Variants in PPARGC1A observed in about 807,000 individuals in gnomAD.
PPARGC1A encodes PPARG coactivator 1 alpha.
PPARGC1A carries 25 observed loss-of-function variants against 88.7 expected under a neutral mutation model. The observed-to-expected ratio is 0.28, with a 90% CI of 0.21 to 0.39. The LOEUF is 0.39. PPARGC1A is among the 10% of genes least tolerant of loss of function. The pLI, the probability that PPARGC1A is intolerant of heterozygous loss-of-function variation, is 1.00. For synonymous variants in PPARGC1A, 363 were observed against 355.6 expected, an observed-to-expected ratio of 1.02 and a Z score of -0.24; for missense variants, 880 against 968.7, an observed-to-expected ratio of 0.91 and a Z score of 1.22.
chr4:24,024,003 T>G, the PPARGC1A span, among the ~76,000 whole-genome samples: 1 of 152,194 alleles, frequency 6.6e-6, no homozygotes, highest in Non-Finnish European at 1.5e-5. Flanking sequence ...CTGTCCATAC[T>G]GCAAACATGG....
chr4:23,817,526 C>T (rs954162058), intron 7 of PPARGC1A, among the ~76,000 whole-genome samples: 4 of 152,034 alleles, frequency 2.6e-5, no homozygotes, highest in African/African-American at 9.7e-5. Context: ...GTATATTTTT[C>T]TGCATATACA....
chr4:23,836,121 A>G (rs561510434), intron 2 of PPARGC1A, among the ~76,000 whole-genome samples: 1 of 152,216 alleles, frequency 6.6e-6, no homozygotes, highest in African/African-American at 2.4e-5. Context: ...TTTACAAAAA[A>G]TATATGTCTT....
chr4:24,256,925 G>A, the PPARGC1A span, among the ~76,000 whole-genome samples: 3 of 152,110 alleles, frequency 2.0e-5, no homozygotes, highest in East Asian at 1.9e-4. Context: ...TTTCCAGAGG[G>A]GTAAAGAGTT....
chr4:23,859,500 G>A (rs1206496085), intron 2 of PPARGC1A, among the ~76,000 whole-genome samples: 1 of 152,166 alleles, frequency 6.6e-6, no homozygotes, highest in African/African-American at 2.4e-5. Flanking sequence ...TATTTAAAAT[G>A]TAACACCACG....
the PPARGC1A span, among the ~76,000 whole-genome samples, chr4:24,395,776 G>A: frequency 6.6e-6 from 1 of 152,170 alleles, no homozygotes; most frequent in African/African-American, 2.4e-5. Context: ...GTTCAGGGAG[G>A]ACACAGTGGA....
At position 23,837,756 on chromosome 4, in the gene PPARGC1A, C is replaced by G. The variant is rs1295201586; in HGVS notation, c.235-6005G>C. On this transcript the variant is annotated intron_variant, in intron 2 of 12. Coordinates refer to ENST00000264867, the MANE Select transcript of PPARGC1A (RefSeq NM_013261.5). ...TTTGGATTATTGGTTCCGCTAGGCC[C>G]CACCAGGACTTCAAATAACTACATG... Among the ~76,000 whole-genome samples, 3 of 152,128 alleles carry G rather than the reference C, an allele frequency of 2.0e-5. No homozygotes were observed. The East Asian group carries it at 5.8e-4, about 29-fold the overall frequency.
the PPARGC1A span, among the ~76,000 whole-genome samples, chr4:24,149,337 T>C: frequency 6.6e-6 from 1 of 152,080 alleles, no homozygotes; most frequent in Non-Finnish European, 1.5e-5. Context: ...AAGTAAGCAG[T>C]ATTAATGAGT....
chr4:24,148,172 C>T, the PPARGC1A span, among the ~76,000 whole-genome samples: 1 of 152,182 alleles, frequency 6.6e-6, no homozygotes, highest in Non-Finnish European at 1.5e-5. Flanking sequence ...AAACACATTA[C>T]TTTAACTAGA....
upstream of PPARGC1A, chr4:23,904,097 G>A (rs1719753419): frequency 1.1e-6 from 1 of 951,712 alleles, no homozygotes; most frequent in Non-Finnish European, 1.3e-6. Context: ...CACAACAAGG[G>A]CTTCGGCAGG....
chr4:23,802,166 G>T (rs1321650793), intron 11 of PPARGC1A, 58 bp downstream of exon 11: 1 of 1,609,452 alleles, frequency 6.2e-7, no homozygotes, highest in Non-Finnish European at 8.5e-7. Flanking sequence ...TAATCTTATG[G>T]CCATAATTTT....
chr4:24,231,083 T>C, the PPARGC1A span, among the ~76,000 whole-genome samples: 1 of 151,882 alleles, frequency 6.6e-6, no homozygotes, highest in Middle Eastern at 3.4e-3. Flanking sequence ...TCGAGAATGA[T>C]CCAAACCAAA....
At chr4:24,460,867 A>G in the PPARGC1A span, among the ~76,000 whole-genome samples, 1 of 152,366 alleles carries the variant, frequency 6.6e-6, no homozygotes, top group Non-Finnish European at 1.5e-5. Context: ...ATAAATCCAA[A>G]TAAAACTTCA....
At chr4:23,813,280 T>C (rs528386343) in intron 8 of PPARGC1A, among the ~76,000 whole-genome samples, 155 bp from the exon 9 acceptor site, 2 of 152,296 alleles carry the variant, frequency 1.3e-5, no homozygotes, top group Admixed American at 1.3e-4. Flanking sequence ...TTTGTGATCA[T>C]CTAGTCAACT....
rs746625628 is a variant in PPARGC1A at position 23,813,733 on chromosome 4, A to C, written c.1750T>G (p.Ser584Ala). 2 of 1,612,242 alleles carry C rather than the reference A, an allele frequency of 1.2e-6. No homozygotes were observed. Among genetic ancestry groups the C allele is most frequent in the South Asian group, 2.2e-5 (2 of 90,906 alleles). ...RHRSCSRSPY[S>A]RSRSRSPGSR... ...CCTGGAGACCTTGATCTTGACCTGG[A>C]ATATGGTGATCGGGAACACGACCTG... is the stretch of plus-strand genomic sequence containing the variant. The change falls in exon 8 of 13, where the codon TCC becomes GCC. Residue 584 changes from serine (S) to alanine (A), a missense_variant. Ser to Ala is a moderately conservative substitution (Grantham distance 99). Transcript: ENST00000264867.
chr4:24,144,561 G>T, the PPARGC1A span, among the ~76,000 whole-genome samples: 2 of 151,826 alleles, frequency 1.3e-5, no homozygotes, highest in Admixed American at 1.3e-4. Context: ...CGTGTCCAGG[G>T]ATGACACTGA....
the PPARGC1A span, among the ~76,000 whole-genome samples, chr4:23,943,404 T>C: frequency 1.4e-5 from 2 of 144,360 alleles, no homozygotes; most frequent in Non-Finnish European, 3.0e-5. Flanking sequence ...TTTTTCTAAA[T>C]ACATACCCCT....
chr4:24,062,902 G>A, the PPARGC1A span, among the ~76,000 whole-genome samples: 13 of 152,208 alleles, frequency 8.5e-5, no homozygotes, highest in East Asian at 1.2e-3. Context: ...CTGTTTACAC[G>A]GAAAATGTAG....
the PPARGC1A span, among the ~76,000 whole-genome samples, chr4:24,013,119 A>T: frequency 6.6e-6 from 1 of 152,164 alleles, no homozygotes; most frequent in Non-Finnish European, 1.5e-5. Flanking sequence ...CAAAATGGTT[A>T]GATGCTGTGG....
At chr4:24,431,426 ACT>A in the PPARGC1A span, among the ~76,000 whole-genome samples, 8 of 152,188 alleles carry the variant, frequency 5.3e-5, no homozygotes, top group African/African-American at 1.9e-4. Context: ...AAGAATGCAA[ACT>A]CTGCAAAATA....
Sources: allele counts gnomAD v4.1 joint callset (sites outside exome capture counted in the v4.1 genomes callset), GRCh38; gene constraint gnomAD v4.1.1; transcripts MANE v1.5; gene names NCBI Gene and HGNC (gene_info 2026-07-23, HGNC 2026-07-21).